The following PAX1 variants were observed in gnomAD, a reference collection of about 807,000 sequenced individuals.
PAX1 encodes paired box protein Pax-1.
Under a neutral mutation model 35.6 loss-of-function variants are expected in PAX1, and 18 were observed. The ratio of observed to expected loss-of-function variants is 0.50; its 90% CI spans 0.35 to 0.75. The LOEUF (loss-of-function observed/expected upper bound fraction) is 0.75. Among genes scored for constraint, PAX1 ranks in the 30% least tolerant of loss-of-function variants. The pLI is 0.01. For missense variants in PAX1, 760 were observed against 661.5 expected (o/e 1.15, Z -1.63); for synonymous variants, 397 against 305.2 (o/e 1.30, Z -3.14).
intron 4 of PAX1, among the ~76,000 whole-genome samples, chr20:21,714,214 A>C (rs1985289772): frequency 6.6e-6 from 1 of 152,198 alleles, no homozygotes; most frequent in African/African-American, 2.4e-5. Context: ...GCCAGCGGTC[A>C]GTGTTTGCAA....
rs1232762208 is a variant in PAX1 at position 21,709,329 on chromosome 20, G to A, written c.1167G>A (p.Pro389=). Residue 389 remains proline (P), a synonymous_variant, in exon 4 of 5, where the codon CCG becomes CCA. Coordinates refer to ENST00000613128, the MANE Select transcript of PAX1 (RefSeq NM_001257096.2). ...YSAPGGGYLA[P]GPPWPPAQGP... is the part of the protein sequence containing the mutation. ...CCCCGGGCGGCGGCTACCTCGCCCC[G>A]GGCCCGCCGTGGCCGCCTGCGCAAG... 3.1e-6 allele frequency: 5 copies of A among 1,597,502 alleles called. No homozygotes were observed. Among genetic ancestry groups the A allele is most frequent in the Non-Finnish European group, 4.2e-6 (5 of 1,177,044 alleles).
In PAX1 at chr20:21,717,022, G is replaced by A. The variant is rs1033575064; in HGVS notation, c.*2460G>A. 2.0e-5 allele frequency: 3 copies of A among 152,200 alleles called. No homozygotes were observed. The highest frequency in any genetic ancestry group is 7.2e-5 in the African/African-American group (3 of 41,432). 9.4% of individuals were successfully genotyped at this position (152,200 alleles called of 1,614,324 possible). ...CCACTTCTGTGTTTGAGCTGATCAG[G>A]GTTATGGGGGAGAAGAGCTGGGAAA... On this transcript the variant is annotated 3_prime_UTR_variant, in exon 5 of 5. Transcript: ENST00000613128.
Position 21,714,892 on chromosome 20 carries a change from G to A in PAX1, c.*330G>A. 9.9e-7 allele frequency: 1 copy of A among 1,009,856 alleles called. No homozygotes were observed. The highest frequency in any genetic ancestry group is 1.5e-6 in the Non-Finnish European group (1 of 658,608). 62.6% of individuals were successfully genotyped at this position (1,009,856 alleles called of 1,614,324 possible). A position where few individuals can be genotyped will look rare whatever the true frequency, so the allele number is the denominator to read the frequency against. ...TTTCTTTTTTGTCACTCCCTTGTCC[G>A]TCTCCGTCTCGCCTCTCTCCCTGTT... On this transcript the variant is annotated 3_prime_UTR_variant, in exon 5 of 5. Transcript: ENST00000613128.
chr20:21,717,737 A>C lies in PAX1; in HGVS notation c.*3175A>C, dbSNP rs966847279. ...AAAAATATAGAGATGTAACCCAAAG[A>C]AAATAAAGACATAATCAGATAGCCC... On this transcript the variant is annotated 3_prime_UTR_variant, in exon 5 of 5. Coordinates refer to ENST00000613128, the MANE Select transcript of PAX1 (RefSeq NM_001257096.2). 1 of 152,212 alleles carries C rather than the reference A, an allele frequency of 6.6e-6. No individual in the cohort carries two copies. Among genetic ancestry groups the C allele is most frequent in the African/African-American group, 2.4e-5 (1 of 41,454 alleles). The allele number at this position is 152,212 out of a possible 1,614,324, so 9.4% of individuals were successfully genotyped here. A position where few individuals can be genotyped will look rare whatever the true frequency, so the allele number is the denominator to read the frequency against.
chr20:21,706,999 C>T lies in PAX1; in HGVS notation c.848C>T (p.Pro283Leu). ...GGCACGGCGGGCCACGTCAGCATCC[C>T]GCGCTCATGGCCCTCGGCACACTCG... ...VPGTAGHVSI[P>L]RSWPSAHSVS... The change falls in exon 2 of 5, where the codon CCG becomes CTG. Residue 283 changes from proline to leucine, a missense_variant. Pro to Leu is a moderately conservative substitution (Grantham distance 98). Around this residue, in one of 3 missense-constraint regions of PAX1, gnomAD observed 490 missense variants for 428.4 expected, o/e 1.14. Transcript: ENST00000613128. This position sits in a 1 kb window ranked among gnomAD's most constrained non-coding sequence, Gnocchi z 5.3. 1.2e-6 allele frequency: 2 copies of T among 1,613,022 alleles called. No individual in the cohort carries two copies. The highest frequency in any genetic ancestry group is 2.2e-5 in the East Asian group (1 of 44,852).
chr20:21,709,090 C>A, intron 3 of PAX1, 132 bp from the exon 4 acceptor site: 2 of 787,286 alleles, frequency 2.5e-6, no homozygotes, highest in South Asian at 1.4e-5. Flanking sequence ...AGAGGCCAGG[C>A]CTCGCATGGG....
chr20:21,714,976 C>T lies in PAX1; in HGVS notation c.*414C>T, dbSNP rs1985321910. 12 of 693,334 alleles carry T rather than the reference C, an allele frequency of 1.7e-5. No homozygotes were observed. Among genetic ancestry groups the T allele is most frequent in the East Asian group, 8.1e-5 (3 of 37,122 alleles). The allele number at this position is 693,334 out of a possible 1,614,324, so 42.9% of individuals were successfully genotyped here. A position where few individuals can be genotyped will look rare whatever the true frequency, so the allele number is the denominator to read the frequency against. On this transcript the variant is annotated 3_prime_UTR_variant, in exon 5 of 5. Transcript: ENST00000613128. The stretch of plus-strand genomic sequence containing the variant: ...CCTTCCCTTTCTCTTTCCCTTCCTC[C>T]CTACCTTCCACCCCGGCTTTCCCCG...
chr20:21,709,728 C>G (rs566201459), intron 4 of PAX1, among the ~76,000 whole-genome samples: 2 of 152,048 alleles, frequency 1.3e-5, no homozygotes, highest in South Asian at 4.2e-4. Flanking sequence ...ACACAGGACG[C>G]GTGGGTTTGG....
In PAX1 at chr20:21,706,067, C is replaced by G; in HGVS notation, c.286+69C>G. On this transcript the variant is annotated intron_variant, in intron 1 of 4. Coordinates refer to ENST00000613128, the MANE Select transcript of PAX1 (RefSeq NM_001257096.2). The surrounding 1 kb of genome is among the most constrained non-coding windows in gnomAD (Gnocchi z 5.3). ...TGGGTCGGGTCCGCCTGCCTCCCTT[C>G]CCTCTCGTCCGCTTTCCCTGGGCGA... The G allele has an allele frequency of 1.6e-6, 2 of 1,265,032 alleles. No homozygotes were observed. The highest frequency in any genetic ancestry group is 2.1e-6 in the Non-Finnish European group (2 of 933,028). 78.4% of individuals were successfully genotyped at this position (1,265,032 alleles called of 1,614,324 possible). A position where few individuals can be genotyped will look rare whatever the true frequency, so the allele number is the denominator to read the frequency against.
In PAX1 at chr20:21,708,505, G is replaced by A; in HGVS notation, c.917-53G>A. The A allele has an allele frequency of 3.7e-6, 6 of 1,609,160 alleles. No homozygotes were observed. The East Asian group carries it at 8.9e-5, about 24-fold the overall frequency. On this transcript the variant is annotated intron_variant, in intron 2 of 4. Coordinates refer to ENST00000613128, the MANE Select transcript of PAX1 (RefSeq NM_001257096.2). The stretch of plus-strand genomic sequence containing the variant: ...ACAAATTGGGTGGTTGGCCACACGT[G>A]TGCCCAGGGCAGATTCGGAGGCACC...
At position 21,709,394 on chromosome 20, in the gene PAX1, A is replaced by G; in HGVS notation, c.1232A>G (p.His411Arg). Residue 411 changes from histidine to arginine, a missense_variant, in exon 4 of 5, where the codon CAT becomes CGT. His to Arg is a conservative substitution (Grantham distance 29). Transcript: ENST00000613128. ...LAPPGAGVAV[H>R]GGELAAAMTF... The stretch of plus-strand genomic sequence containing the variant: ...CCCCCCGGGGCCGGCGTAGCTGTGC[A>G]TGGCGGGGAACTCGCGGCAGCAATG... 1 of 1,553,462 alleles carries G rather than the reference A, an allele frequency of 6.4e-7. No individual in the cohort carries two copies. The highest frequency in any genetic ancestry group is 8.7e-7 in the Non-Finnish European group (1 of 1,153,768).
Position 21,709,959 on chromosome 20 carries a change from C to T in PAX1, c.1282+515C>T, listed in dbSNP as rs949686312. On this transcript the variant is annotated intron_variant, in intron 4 of 4. Transcript: ENST00000613128. ...CTGCCCATCTGTTTTTTCCAGGTTC[C>T]TTAGAGAGAAAAAAAGGCGTTTGGA... is the stretch of plus-strand genomic sequence containing the variant. 9.9e-5 allele frequency among the ~76,000 whole-genome samples: 15 copies of T among 152,010 alleles called. 1 individual carries two copies. Among genetic ancestry groups the T allele is most frequent in the East Asian group, 7.8e-4 (4 of 5,160 alleles).
chr20:21,708,634 C>A lies in PAX1; in HGVS notation c.993C>A (p.Phe331Leu). ...EDWAGVNRTA[F>L]PATPAVNGLE... ...GGGCCGGCGTGAACCGCACGGCCTTCCCCGCCACCCCCGCAGTGAATGGGC... is the reference window on the plus strand; with the variant it reads ...GGGCCGGCGTGAACCGCACGGCCTTACCCGCCACCCCCGCAGTGAATGGGC... The change falls in exon 3 of 5, where the codon TTC becomes TTA. Residue 331 changes from phenylalanine to leucine, a missense_variant. Phe to Leu is a conservative substitution (Grantham distance 22). This residue lies in a region of PAX1 where 490 missense variants were observed against 428.4 expected (regional missense o/e 1.14). Transcript: ENST00000613128. 6.2e-7 allele frequency: 1 copy of A among 1,613,554 alleles called. No homozygotes were observed.
At chr20:21,712,236 TTG>T (rs1374475698) in intron 4 of PAX1, among the ~76,000 whole-genome samples, 2 of 152,338 alleles carry the variant, frequency 1.3e-5, no homozygotes, top group Non-Finnish European at 2.9e-5. Flanking sequence ...AATTGATTAA[TTG>T]TGTTATTTAA....
At position 21,714,705 on chromosome 20, in the gene PAX1, C is replaced by CGCCCAGCCAGCCCCCAG; in HGVS notation, c.*152_*168dup. ...AGCCAGTGCCGGCCCGCGGGGTGCA[C>CGCCCAGCCAGCCCCCAG]GCCCAGCCAGCCCCCAGGCCCAGCC... On this transcript the variant is annotated 3_prime_UTR_variant, in exon 5 of 5. Coordinates refer to ENST00000613128, the MANE Select transcript of PAX1 (RefSeq NM_001257096.2). 1 of 1,606,002 alleles carries CGCCCAGCCAGCCCCCAG rather than the reference C, an allele frequency of 6.2e-7. No individual in the cohort carries two copies. The highest frequency in any genetic ancestry group is 8.5e-7 in the Non-Finnish European group (1 of 1,179,660).
Position 21,714,876 on chromosome 20 carries a change from TG to T in PAX1, c.*315del. The T allele has an allele frequency of 8.2e-7, 1 of 1,225,020 alleles. No homozygotes were observed. The highest frequency in any genetic ancestry group is 1.2e-6 in the Non-Finnish European group (1 of 846,378). 75.9% of individuals were successfully genotyped at this position (1,225,020 alleles called of 1,614,324 possible). ...CTCTGCCAGCTTCAAATTTCTTTTTTGTCACTCCCTTGTCCGTCTCCGTCTC... is the reference window on the plus strand; with the variant it reads ...CTCTGCCAGCTTCAAATTTCTTTTTTTCACTCCCTTGTCCGTCTCCGTCTC... On this transcript the variant is annotated 3_prime_UTR_variant, in exon 5 of 5. Coordinates refer to ENST00000613128, the MANE Select transcript of PAX1 (RefSeq NM_001257096.2).
Position 21,706,790 on chromosome 20 carries a change from G to T in PAX1, c.639G>T (p.Ser213=), listed in dbSNP as rs148392718. The T allele has an allele frequency of 6.2e-7, 1 of 1,613,510 alleles. No individual in the cohort carries two copies. ...DGVCDKYNVP[S]VSSISRILRN... is the part of the protein sequence containing the mutation. ...TCTGTGACAAGTACAATGTGCCTTC[G>T]GTGAGCTCCATCAGCCGCATCCTGC... The change falls in exon 2 of 5, where the codon TCG becomes TCT. Residue 213 remains serine, a synonymous_variant. Coordinates refer to ENST00000613128, the MANE Select transcript of PAX1 (RefSeq NM_001257096.2). The surrounding 1 kb of genome is among the most constrained non-coding windows in gnomAD (Gnocchi z 5.3).
intron 4 of PAX1, among the ~76,000 whole-genome samples, chr20:21,710,145 C>T (rs1237621147): frequency 6.6e-6 from 1 of 151,976 alleles, no homozygotes; most frequent in Non-Finnish European, 1.5e-5. Flanking sequence ...GTCTTGCCTC[C>T]TTTTCCGCTT....
intron 3 of PAX1, 114 bp from the exon 4 acceptor site, chr20:21,709,108 G>T: frequency 2.3e-6 from 2 of 858,430 alleles, no homozygotes; most frequent in Middle Eastern, 2.3e-4. Flanking sequence ...GGGGATAATG[G>T]ATGGGCACAG....
Sources: allele counts gnomAD v4.1 joint callset (sites outside exome capture counted in the v4.1 genomes callset), GRCh38; gene constraint gnomAD v4.1.1; regional missense constraint gnomAD v4.1.1; non-coding constraint Gnocchi (gnomAD v3.1); transcripts MANE v1.5; gene names NCBI Gene and HGNC (gene_info 2026-07-23, HGNC 2026-07-21).